The following POLDIP3 variants were observed in gnomAD, a reference collection of about 807,000 sequenced individuals.
POLDIP3 encodes DNA polymerase delta interacting protein 3, also known as polymerase delta-interacting protein 3.
A neutral mutation model predicts 45.1 loss-of-function variants in POLDIP3; 14 were observed. That is an observed-to-expected ratio of 0.31 (90% CI 0.20 to 0.49). The LOEUF (loss-of-function observed/expected upper bound fraction) is 0.49. Ranked by LOEUF, POLDIP3 falls within the 20% of genes least tolerant of loss-of-function variation. POLDIP3 has a pLI of 0.99. For synonymous variants in POLDIP3, 223 were observed against 205.2 expected, an observed-to-expected ratio of 1.09 and a Z score of -0.74; for missense variants, 511 against 538.8, an observed-to-expected ratio of 0.95 and a Z score of 0.51.
chr22:42,598,765 G>C (rs1204056035), intron 4 of POLDIP3, among the ~76,000 whole-genome samples: 3 of 152,182 alleles, frequency 2.0e-5, no homozygotes, highest in Non-Finnish European at 4.4e-5. Flanking sequence ...AGCGTCTGAA[G>C]GAAAAACAAA....
chr22:42,607,157 G>A lies in POLDIP3; in HGVS notation c.60-3997C>T, dbSNP rs1457002812. 5.9e-5 allele frequency among the ~76,000 whole-genome samples: 9 copies of A among 152,128 alleles called. 1 individual carries two copies. The highest frequency in any genetic ancestry group is 1.9e-4 in the African/African-American group (8 of 41,436). On this transcript the variant is annotated intron_variant, in intron 1 of 8. Coordinates refer to ENST00000252115, the MANE Select transcript of POLDIP3 (RefSeq NM_032311.5). ...CCCCTCTCCCCAGTTTCCCTCTGAT[G>A]CCGAGCCGAGGCTGGACTGTACTGC... is the stretch of plus-strand genomic sequence containing the variant.
intron 3 of POLDIP3, 95 bp downstream of exon 3, chr22:42,601,875 A>G: frequency 7.0e-7 from 1 of 1,419,782 alleles, no homozygotes; most frequent in Non-Finnish European, 9.6e-7. Context: ...GCCTCAGTCC[A>G]TCCACCCAAG....
intron 3 of POLDIP3, 49 bp downstream of exon 3, chr22:42,601,921 C>A: frequency 6.3e-7 from 1 of 1,587,038 alleles, no homozygotes; most frequent in Non-Finnish European, 8.6e-7. Context: ...CCTACATGTT[C>A]GCTATGTACA....
chr22:42,606,367 C>T (rs1926728764), intron 1 of POLDIP3, among the ~76,000 whole-genome samples: 1 of 151,842 alleles, frequency 6.6e-6, no homozygotes, highest in Non-Finnish European at 1.5e-5. Context: ...TGGTGGCTCA[C>T]ACCATGTAAT....
chr22:42,597,472 C>A (rs1007947303), intron 4 of POLDIP3, among the ~76,000 whole-genome samples: 1 of 152,168 alleles, frequency 6.6e-6, no homozygotes, highest in African/African-American at 2.4e-5. Context: ...GCCCTGAGAG[C>A]GAGACTGCTC....
chr22:42,589,311 ACTTATTAG>A (rs1416746974), intron 7 of POLDIP3, among the ~76,000 whole-genome samples: 2 of 152,112 alleles, frequency 1.3e-5, no homozygotes, highest in Admixed American at 1.3e-4. Context: ...CTGGTCTTTT[ACTTATTAG>A]CTTATTAGCT....
rs74198015 is a variant in POLDIP3, at chr22:42,609,607, G to C, written c.59+5192C>G. Among the ~76,000 whole-genome samples, 1,283 of 152,280 alleles carry C rather than the reference G, an allele frequency of 8.4e-3. 38 individuals carry two copies. In the East Asian group the frequency reaches 0.098, roughly 12 times the overall value. ...AAGTGGGGCCCTGGATTATTATAAA[G>C]CAGATTTTAACCCATGGGTTTAAAA... is the stretch of plus-strand genomic sequence containing the variant. On this transcript the variant is annotated intron_variant, in intron 1 of 8. Transcript: ENST00000252115.
At chr22:42,612,702 T>G (rs1162663438) in intron 1 of POLDIP3, among the ~76,000 whole-genome samples, 1 of 152,130 alleles carries the variant, frequency 6.6e-6, no homozygotes, top group South Asian at 2.1e-4. Flanking sequence ...GTCGGGCACC[T>G]GTAATCCCAG....
intron 7 of POLDIP3, among the ~76,000 whole-genome samples, chr22:42,589,242 C>CAA (rs548287361): frequency 3.7e-3 from 237 of 64,668 alleles, no homozygotes; most frequent in African/African-American, 1.0e-2. Context: ...GACTCCGTCT[C>CAA]AAAAAAAAAA....
rs1430667214 is a variant in POLDIP3 at position 42,614,842 on chromosome 22, G to A, written c.16C>T (p.Leu6=). The A allele has an allele frequency of 3.7e-6, 6 of 1,613,904 alleles. No individual in the cohort carries two copies. The highest frequency in any genetic ancestry group is 1.1e-5 in the South Asian group (1 of 91,086). The change falls in exon 1 of 9, where the codon CTG becomes TTG. Residue 6 remains leucine, a synonymous_variant. Transcript: ENST00000252115. MADIS[L]DELIRKRGAA... is the part of the protein sequence containing the mutation. ...CCGCGCTTCCTGATGAGTTCGTCCAGGGAGATGTCCGCCATCTTGCTCCGC... is the reference window on the plus strand; with the variant it reads ...CCGCGCTTCCTGATGAGTTCGTCCAAGGAGATGTCCGCCATCTTGCTCCGC...
intron 7 of POLDIP3, among the ~76,000 whole-genome samples, chr22:42,588,673 G>A (rs566334495): frequency 2.0e-5 from 3 of 148,230 alleles, no homozygotes; most frequent in African/African-American, 7.5e-5. Flanking sequence ...TTATTGCCCA[G>A]GCTGGAGGGC....
At chr22:42,608,255 C>CCG (rs1556017827) in intron 1 of POLDIP3, among the ~76,000 whole-genome samples, 1 of 76,244 alleles carries the variant, frequency 1.3e-5, no homozygotes, top group African/African-American at 5.4e-5. Context: ...ATAACCTTAC[C>CCG]CCCCCCCCCA....
chr22:42,596,365 C>A lies in POLDIP3; in HGVS notation c.634G>T (p.Ala212Ser). ...GAAAGCTTGGAACTGCTTAGCCCAGCCTAAACGAAGAGACAGAAAAGAATC... is the reference window on the plus strand; with the variant it reads ...GAAAGCTTGGAACTGCTTAGCCCAGACTAAACGAAGAGACAGAAAAGAATC... The part of the protein sequence containing the change: ...AASGGFLHHM[A>S]GLSSSKLSMS... Residue 212 changes from alanine (A) to serine (S), a missense_variant and splice_region_variant, in exon 5 of 9, where the codon GCT (alanine) becomes TCT (serine). By Grantham distance (99) the Ala-to-Ser change is moderately conservative (BLOSUM62 1). Around this residue, in one of 4 missense-constraint regions of POLDIP3, gnomAD observed 378 missense variants for 352.3 expected, o/e 1.07. Transcript: ENST00000252115. 1 of 1,612,812 alleles carries A rather than the reference C, an allele frequency of 6.2e-7. No individual in the cohort carries two copies. The highest frequency in any genetic ancestry group is 1.7e-5 in the Admixed American group (1 of 59,644).
intron 1 of POLDIP3, among the ~76,000 whole-genome samples, chr22:42,612,841 A>G (rs1051469851): frequency 3.9e-5 from 6 of 152,120 alleles, no homozygotes; most frequent in African/African-American, 1.4e-4. Context: ...AACAAACAAA[A>G]AAAACCCTTC....
chr22:42,614,373 A>C (rs1299972062), intron 1 of POLDIP3, among the ~76,000 whole-genome samples: 3 of 152,200 alleles, frequency 2.0e-5, no homozygotes, highest in African/African-American at 7.2e-5. Flanking sequence ...GGTCGGAGCA[A>C]GTCACTTCCC....
At position 42,584,823 on chromosome 22, in the gene POLDIP3, C is replaced by T. The variant is rs893290484; in HGVS notation, c.*968G>A. ...ATATATGCCTCCAGGCATCCCTGAC[C>T]ACTGTCCTGTAGACAACTGAGGCCA... On this transcript the variant is annotated 3_prime_UTR_variant, in exon 9 of 9. Transcript: ENST00000252115. The T allele has an allele frequency of 2.0e-5, 9 of 448,800 alleles. No individual in the cohort carries two copies. The highest frequency in any genetic ancestry group is 1.6e-4 in the African/African-American group (8 of 49,724). 27.8% of individuals were successfully genotyped at this position (448,800 alleles called of 1,614,324 possible). A position where few individuals can be genotyped will look rare whatever the true frequency, so the allele number is the denominator to read the frequency against.
rs116446524 is a variant in POLDIP3, at chr22:42,604,288, C to T, written c.60-1128G>A. On this transcript the variant is annotated intron_variant, in intron 1 of 8. Transcript: ENST00000252115. ...TTTTCTCTCCCTACCCTGGGTGGGG[C>T]GGGGGGAGGAGAATGGGGTTCAGTC... 3.7e-3 allele frequency among the ~76,000 whole-genome samples: 556 copies of T among 152,102 alleles called. 2 individuals carry two copies. The highest frequency in any genetic ancestry group is 0.013 in the African/African-American group (536 of 41,482).
intron 5 of POLDIP3, 84 bp from the exon 6 acceptor site, chr22:42,595,698 G>C (rs1201098027): frequency 7.9e-7 from 1 of 1,263,808 alleles, no homozygotes; most frequent in African/African-American, 1.5e-5. Context: ...CACGTGACTA[G>C]GAAGGCCCAG....
intron 1 of POLDIP3, among the ~76,000 whole-genome samples, chr22:42,606,540 C>G (rs1926740947): frequency 6.6e-6 from 1 of 152,186 alleles, no homozygotes; most frequent in Non-Finnish European, 1.5e-5. Context: ...GGAAGACCAC[C>G]TGAGCCCCAG....
Sources: gnomAD v4.1 joint callset for allele counts (sites outside exome capture counted in the v4.1 genomes callset) on GRCh38, gnomAD v4.1.1 for gene constraint, gnomAD v4.1.1 regional missense constraint, MANE v1.5 for transcripts, NCBI Gene and HGNC (gene_info 2026-07-23, HGNC 2026-07-21) for gene names.